KCNK10: variants seen among roughly 807,000 people sequenced by gnomAD.
KCNK10 encodes the protein potassium two pore domain channel subfamily K member 10, also known as potassium channel subfamily K member 10.
Under a neutral mutation model 47.7 loss-of-function variants are expected in KCNK10, and 25 were observed. That is an observed-to-expected ratio of 0.52 (90% CI 0.38 to 0.73). The LOEUF (loss-of-function observed/expected upper bound fraction) is 0.73. Ranked by LOEUF, KCNK10 falls within the 30% of genes least tolerant of loss-of-function variation. The probability of loss-of-function intolerance (pLI) is 0.00; values close to 1 mark genes in which losing one functional copy is unlikely to be tolerated. For missense variants in KCNK10, 563 were observed against 714.5 expected, an observed-to-expected ratio of 0.79 and a Z score of 2.42; for synonymous variants, 303 against 285.6, an observed-to-expected ratio of 1.06 and a Z score of -0.61.
intron 1 of KCNK10, among the ~76,000 whole-genome samples, chr14:88,291,116 G>T (rs150658813): frequency 7.2e-5 from 11 of 152,328 alleles, no homozygotes; most frequent in Admixed American, 7.2e-4. Context: ...GCCAAACACT[G>T]CAGAACTGTA....
intron 3 of KCNK10, chr14:88,235,014 G>C: frequency 6.8e-6 from 3 of 442,496 alleles, no homozygotes; most frequent in Non-Finnish European, 1.4e-5. Flanking sequence ...CTTCAAAAGA[G>C]ATGTCCCTGT....
intron 1 of KCNK10, among the ~76,000 whole-genome samples, chr14:88,281,430 C>A (rs1887646646): frequency 6.6e-6 from 1 of 152,298 alleles, no homozygotes; most frequent in Admixed American, 6.5e-5. Flanking sequence ...AAGCAGATTT[C>A]TCCCACGACA....
chr14:88,258,466 T>C (rs1012785786), intron 2 of KCNK10, among the ~76,000 whole-genome samples: 1 of 152,072 alleles, frequency 6.6e-6, no homozygotes, highest in African/African-American at 2.4e-5. Context: ...AATTTTTGTA[T>C]TTTTAGTAGA....
At chr14:88,326,414 C>T (rs1210282713), upstream of KCNK10, 13 of 1,612,962 alleles carry the variant, frequency 8.1e-6, no homozygotes, top group Non-Finnish European at 1.0e-5. Flanking sequence ...CTGGACTTCA[C>T]TTACCCAAGG....
chr14:88,258,050 C>T (rs555277591), intron 2 of KCNK10, among the ~76,000 whole-genome samples: 1 of 152,236 alleles, frequency 6.6e-6, no homozygotes, highest in Admixed American at 6.5e-5. Flanking sequence ...CCATCCCCTC[C>T]CCGGTGACCC....
intron 4 of KCNK10, among the ~76,000 whole-genome samples, chr14:88,211,894 CAAAA>C (rs59401189): frequency 1.1e-4 from 12 of 113,716 alleles, no homozygotes; most frequent in East Asian, 2.5e-4. Context: ...GACTTCATCT[CAAAA>C]AAAAAAAAAA....
At position 88,185,280 on chromosome 14, in the gene KCNK10, T is replaced by C. The variant is rs1253618103; in HGVS notation, c.*255A>G. ...CACTGCCACTGAAATGCCCTTAACA[T>C]GTACGGCCAGAACCGGCTACGTGCA... is the stretch of plus-strand genomic sequence containing the variant. On this transcript the variant is annotated 3_prime_UTR_variant, in exon 7 of 7. Transcript: ENST00000319231. This position sits in a 1 kb window ranked among gnomAD's most constrained non-coding sequence, Gnocchi z 4.3. 4.2e-6 allele frequency: 2 copies of C among 473,702 alleles called. No homozygotes were observed. Among genetic ancestry groups the C allele is most frequent in the Non-Finnish European group, 7.5e-6 (2 of 268,172 alleles). 29.3% of individuals were successfully genotyped at this position (473,702 alleles called of 1,614,324 possible).
At chr14:88,264,756 A>T (rs543253764) in intron 1 of KCNK10, among the ~76,000 whole-genome samples, 1 of 152,360 alleles carries the variant, frequency 6.6e-6, no homozygotes, top group East Asian at 1.9e-4. Context: ...CCTCAGATTT[A>T]CACAAACGCA....
intron 1 of KCNK10, among the ~76,000 whole-genome samples, chr14:88,278,126 TC>T (rs1887566786): frequency 1.3e-5 from 2 of 152,094 alleles, no homozygotes; most frequent in Non-Finnish European, 2.9e-5. Flanking sequence ...TATCTTCACC[TC>T]CACCCCTATG....
rs1257652356 is a variant in KCNK10 at position 88,260,597 on chromosome 14, G to A, written c.402+2605C>T. Among the ~76,000 whole-genome samples the A allele has an allele frequency of 6.6e-6, 1 of 152,186 alleles. No homozygotes were observed. Among genetic ancestry groups the A allele is most frequent in the Non-Finnish European group, 1.5e-5 (1 of 68,034 alleles). ...TGTACAGTCAGTCCAACCTTGCGCTGACTACCAGCTCTACCACTTTGGTGG... is the reference window on the plus strand; with the variant it reads ...TGTACAGTCAGTCCAACCTTGCGCTAACTACCAGCTCTACCACTTTGGTGG... On this transcript the variant is annotated intron_variant, in intron 2 of 6. Coordinates refer to ENST00000319231, the MANE Select transcript of KCNK10 (RefSeq NM_138317.3). The surrounding 1 kb of genome is among the most constrained non-coding windows in gnomAD (Gnocchi z 4.5).
intron 4 of KCNK10, among the ~76,000 whole-genome samples, chr14:88,210,579 C>T (rs1412768530): frequency 6.6e-6 from 1 of 152,102 alleles, no homozygotes; most frequent in African/African-American, 2.4e-5. Flanking sequence ...ACTGAGCCAC[C>T]CGTCCTCCCA....
In KCNK10 at chr14:88,323,013, G is replaced by C; in HGVS notation, c.-215C>G. On this transcript the variant is annotated 5_prime_UTR_variant, in exon 1 of 7. Transcript: ENST00000319231. Reference sequence around the variant, plus strand: ...GGCTTGGGTGTTTGCACCGGCCAGGGGGTGGCCGGCCGCGGCCCCGTGGGT... The same window carrying C: ...GGCTTGGGTGTTTGCACCGGCCAGGCGGTGGCCGGCCGCGGCCCCGTGGGT... 7.3e-7 allele frequency: 1 copy of C among 1,373,852 alleles called. No homozygotes were observed. 85.1% of individuals were successfully genotyped at this position (1,373,852 alleles called of 1,614,324 possible).
chr14:88,260,427 T>C lies in KCNK10; in HGVS notation c.402+2775A>G, dbSNP rs371969307. On this transcript the variant is annotated intron_variant, in intron 2 of 6. Transcript: ENST00000319231. The surrounding 1 kb of genome is among the most constrained non-coding windows in gnomAD (Gnocchi z 4.5). ...GTGAATCAATTAAACCTCTTTTCTTTATAAATTGCTTAGTCTCAGATAGTT... is the reference window on the plus strand; with the variant it reads ...GTGAATCAATTAAACCTCTTTTCTTCATAAATTGCTTAGTCTCAGATAGTT... Among the ~76,000 whole-genome samples, 33 of 152,346 alleles carry C rather than the reference T, an allele frequency of 2.2e-4. No homozygotes were observed. In the East Asian group the frequency reaches 5.4e-3, roughly 25 times the overall value.
At chr14:88,262,645 C>G (rs549597552) in intron 2 of KCNK10, among the ~76,000 whole-genome samples, 3 of 152,116 alleles carry the variant, frequency 2.0e-5, no homozygotes, top group Non-Finnish European at 4.4e-5. Flanking sequence ...GCCTGATACA[C>G]AGTAAGTATT....
chr14:88,287,542 A>C (rs186562083), intron 1 of KCNK10, among the ~76,000 whole-genome samples: 1 of 152,176 alleles, frequency 6.6e-6, no homozygotes, highest in Non-Finnish European at 1.5e-5. Flanking sequence ...GCTCCCACTT[A>C]TAAGTAAGAA....
chr14:88,236,106 A>T (rs1377295085), intron 3 of KCNK10, among the ~76,000 whole-genome samples: 1 of 152,220 alleles, frequency 6.6e-6, no homozygotes, highest in Admixed American at 6.5e-5. Context: ...CTTTGAGGCC[A>T]GGAGTCTGAG....
chr14:88,235,037 T>A (rs1886261124), intron 3 of KCNK10: 1 of 453,328 alleles, frequency 2.2e-6, no homozygotes, highest in Non-Finnish European at 4.4e-6. Context: ...TTACCAAGCA[T>A]GAAACATAGG....
intron 1 of KCNK10, among the ~76,000 whole-genome samples, chr14:88,286,246 G>A (rs79354030): frequency 5.9e-5 from 9 of 152,226 alleles, no homozygotes; most frequent in Admixed American, 2.6e-4. Flanking sequence ...GGCCCCAGAC[G>A]TTGCAGAATA....
At chr14:88,318,259 TC>T (rs376143021) in intron 1 of KCNK10, among the ~76,000 whole-genome samples, 1,679 of 152,350 alleles carry the variant, frequency 0.011, 22 homozygotes, top group African/African-American at 0.038. Flanking sequence ...TCCTCTCCAG[TC>T]CATCCTGCCA....
Sources: gnomAD v4.1 joint callset for allele counts (sites outside exome capture counted in the v4.1 genomes callset) on GRCh38, gnomAD v4.1.1 for gene constraint, Gnocchi (gnomAD v3.1) non-coding constraint, MANE v1.5 for transcripts, NCBI Gene and HGNC (gene_info 2026-07-23, HGNC 2026-07-21) for gene names.